Variants in CTSS observed in about 807,000 individuals in gnomAD.
CTSS encodes the protein cathepsin S.
In CTSS, 15 loss-of-function variants were observed where a neutral mutation model predicts 39.9. The ratio of observed to expected loss-of-function variants is 0.38; its 90% CI spans 0.25 to 0.58. The LOEUF is 0.58. Ranked by LOEUF, CTSS falls within the 20% of genes least tolerant of loss-of-function variation. The pLI is 0.70. For synonymous variants in CTSS, 126 were observed against 138.2 expected, an observed-to-expected ratio of 0.91 and a Z score of 0.62; for missense variants, 250 against 398.2, an observed-to-expected ratio of 0.63 and a Z score of 3.17.
chr1:150,752,389 T>C (rs1653026017), intron 4 of CTSS, among the ~76,000 whole-genome samples: 1 of 152,180 alleles, frequency 6.6e-6, no homozygotes, highest in African/African-American at 2.4e-5. Context: ...TGACCTAAAA[T>C]ACCCTTTCTC....
At chr1:150,746,137 T>C (rs1652891602) in intron 7 of CTSS, among the ~76,000 whole-genome samples, 1 of 152,178 alleles carries the variant, frequency 6.6e-6, no homozygotes, top group Admixed American at 6.5e-5. Context: ...TTTTTTTTCC[T>C]GTGTCCACGA....
intron 7 of CTSS, among the ~76,000 whole-genome samples, chr1:150,746,483 G>T (rs1423181763): frequency 6.6e-6 from 1 of 152,024 alleles, no homozygotes; most frequent in Non-Finnish European, 1.5e-5. Flanking sequence ...CTCCCCAAAG[G>T]CACGTACAGA....
chr1:150,741,390 G>A (rs1237754811), intron 7 of CTSS, among the ~76,000 whole-genome samples: 1 of 151,980 alleles, frequency 6.6e-6, no homozygotes, highest in East Asian at 1.9e-4. Flanking sequence ...ATTAATAATA[G>A]TCTGAATAAA....
intron 7 of CTSS, among the ~76,000 whole-genome samples, chr1:150,742,644 G>T (rs587746256): frequency 6.6e-6 from 1 of 152,208 alleles, no homozygotes; most frequent in African/African-American, 2.4e-5. Context: ...CTATAGCTGG[G>T]TAGAATGGAA....
intron 7 of CTSS, among the ~76,000 whole-genome samples, chr1:150,736,772 TA>T (rs587621048): frequency 5.9e-4 from 86 of 145,698 alleles, no homozygotes; most frequent in Middle Eastern, 3.5e-3. Context: ...ATGAAACTGA[TA>T]AAAAAAAAAA....
intron 3 of CTSS, among the ~76,000 whole-genome samples, chr1:150,757,252 C>A (rs587659490): frequency 5.9e-5 from 9 of 152,206 alleles, no homozygotes; most frequent in African/African-American, 2.2e-4. Context: ...TACAGGGAGG[C>A]AGATTTTTGT....
chr1:150,736,682 C>T (rs1652641622), intron 7 of CTSS, among the ~76,000 whole-genome samples: 1 of 151,992 alleles, frequency 6.6e-6, no homozygotes, highest in Non-Finnish European at 1.5e-5. Flanking sequence ...TCAGTTTTAC[C>T]GACCAAGATC....
Position 150,733,007 on chromosome 1 carries a change from C to T in CTSS, c.*39G>A. ...GGAAAAATTAAGTTAAGAGAAAGTG[C>T]TTCATATTTCTTGATTTGTTATAAA... is the stretch of plus-strand genomic sequence containing the variant. On this transcript the variant is annotated 3_prime_UTR_variant, in exon 8 of 8. Coordinates refer to ENST00000368985, the MANE Select transcript of CTSS (RefSeq NM_004079.5). 2.1e-6 allele frequency: 3 copies of T among 1,406,148 alleles called. No individual in the cohort carries two copies. The highest frequency in any genetic ancestry group is 3.0e-6 in the Non-Finnish European group (3 of 999,242). The allele number at this position is 1,406,148 out of a possible 1,614,324, so 87.1% of individuals were successfully genotyped here. A position where few individuals can be genotyped will look rare whatever the true frequency, so the allele number is the denominator to read the frequency against.
intron 6 of CTSS, among the ~76,000 whole-genome samples, chr1:150,749,218 AGCCAAGACAG>A (rs759465655): frequency 3.9e-5 from 6 of 152,352 alleles, no homozygotes; most frequent in South Asian, 2.1e-4. Context: ...GCATGTTGAA[AGCCAAGACAG>A]GCCAGAACCT....
At position 150,750,177 on chromosome 1, in the gene CTSS, A is replaced by G; in HGVS notation, c.628-6T>C. 1 of 1,604,836 alleles carries G rather than the reference A, an allele frequency of 6.2e-7. No homozygotes were observed. The highest frequency in any genetic ancestry group is 1.3e-5 in the African/African-American group (1 of 74,858). On this transcript the variant is annotated splice_region_variant and splice_polypyrimidine_tract_variant and intron_variant, in intron 5 of 7. Transcript: ENST00000368985. Reference sequence around the variant, plus strand: ...TCATATTGACATTTCTGATCCTGCAAAAAGAAGTATAAATATGATGAAGTA... The same window carrying G: ...TCATATTGACATTTCTGATCCTGCAGAAAGAAGTATAAATATGATGAAGTA...
intron 7 of CTSS, among the ~76,000 whole-genome samples, chr1:150,747,248 A>G (rs1253191683): frequency 6.6e-6 from 1 of 152,116 alleles, no homozygotes; most frequent in Non-Finnish European, 1.5e-5. Flanking sequence ...GAGGAACAGT[A>G]TGGGGGAGAG....
intron 2 of CTSS, among the ~76,000 whole-genome samples, chr1:150,758,468 C>T (rs956147899): frequency 7.3e-5 from 11 of 150,916 alleles, no homozygotes; most frequent in Admixed American, 2.0e-4. Context: ...TTGCTCTTAA[C>T]TGCTTTGATG....
At chr1:150,747,537 A>G (rs587775573) in intron 7 of CTSS, among the ~76,000 whole-genome samples, 1 of 152,312 alleles carries the variant, frequency 6.6e-6, no homozygotes, top group South Asian at 2.1e-4. Flanking sequence ...AGAGAGGCTG[A>G]GAAGGAATAA....
At chr1:150,750,699 T>G (rs1248882918) in intron 5 of CTSS, among the ~76,000 whole-genome samples, 42 of 152,184 alleles carry the variant, frequency 2.8e-4, no homozygotes, top group Admixed American at 2.7e-3. Flanking sequence ...TGCAGTAGCA[T>G]AATCATGGCT....
chr1:150,746,525 T>C (rs1341630090), intron 7 of CTSS, among the ~76,000 whole-genome samples: 4 of 152,048 alleles, frequency 2.6e-5, no homozygotes, highest in African/African-American at 9.7e-5. Flanking sequence ...AAATATACAA[T>C]TTAAATATAA....
chr1:150,734,392 G>A (rs1652590692), intron 7 of CTSS, among the ~76,000 whole-genome samples: 1 of 151,970 alleles, frequency 6.6e-6, no homozygotes, highest in African/African-American at 2.4e-5. Context: ...TGTAATCCCA[G>A]CACTTTGGGA....
intron 7 of CTSS, among the ~76,000 whole-genome samples, chr1:150,736,681 C>G (rs762738646): frequency 6.6e-6 from 1 of 152,074 alleles, no homozygotes; most frequent in Non-Finnish European, 1.5e-5. Flanking sequence ...CTCAGTTTTA[C>G]CGACCAAGAT....
At chr1:150,751,697 T>G in intron 5 of CTSS, 84 bp downstream of exon 5, 1 of 1,205,200 alleles carries the variant, frequency 8.3e-7, no homozygotes, top group Non-Finnish European at 1.2e-6. Context: ...TCTCAAGCAA[T>G]TGGCATGGTG....
intron 7 of CTSS, among the ~76,000 whole-genome samples, chr1:150,741,192 C>G (rs2101912255): frequency 6.6e-6 from 1 of 151,884 alleles, no homozygotes. Flanking sequence ...TTTATAGAGA[C>G]TGGGTCTCCC....
Sources: gnomAD v4.1 joint callset for allele counts (sites outside exome capture counted in the v4.1 genomes callset) on GRCh38, gnomAD v4.1.1 for gene constraint, MANE v1.5 for transcripts, NCBI Gene and HGNC (gene_info 2026-07-23, HGNC 2026-07-21) for gene names.